PLA2R1: variants seen among roughly 807,000 people sequenced by gnomAD.
The protein encoded by PLA2R1 is phospholipase A2 receptor 1, also known as secretory phospholipase A2 receptor.
Under a neutral mutation model 195.9 loss-of-function variants are expected in PLA2R1, and 158 were observed. The ratio of observed to expected loss-of-function variants is 0.81; its 90% CI spans 0.71 to 0.92. The LOEUF (loss-of-function observed/expected upper bound fraction) is 0.92, where lower values mean the gene tolerates loss of function less well. Among genes scored for constraint, PLA2R1 ranks in the 40% least tolerant of loss-of-function variants. The pLI, the probability that PLA2R1 is intolerant of heterozygous loss-of-function variation, is 0.00. For missense variants in PLA2R1, 1,626 were observed against 1,764.6 expected, an observed-to-expected ratio of 0.92 and a Z score of 1.41; for synonymous variants, 586 against 598.2, an observed-to-expected ratio of 0.98 and a Z score of 0.30.
At position 159,932,967 on chromosome 2, in the gene PLA2R1, A is replaced by G. The variant is rs1194689700; in HGVS notation, c.*8811T>C. 1 of 151,164 alleles carries G rather than the reference A, an allele frequency of 6.6e-6. No homozygotes were observed. Among genetic ancestry groups the G allele is most frequent in the East Asian group, 2.0e-4 (1 of 5,128 alleles). The allele number at this position is 151,164 out of a possible 1,614,324, so 9.4% of individuals were successfully genotyped here. A position where few individuals can be genotyped will look rare whatever the true frequency, so the allele number is the denominator to read the frequency against. On this transcript the variant is annotated 3_prime_UTR_variant, in exon 30 of 30. Transcript: ENST00000283243. Reference sequence around the variant, plus strand: ...CAATTTCCATTAATAGAAGCACAGGAAACAAGTTGAAAATAGCATAGATCA... The same window carrying G: ...CAATTTCCATTAATAGAAGCACAGGGAACAAGTTGAAAATAGCATAGATCA...
chr2:159,950,125 A>T lies in PLA2R1; in HGVS notation c.3541-349T>A, dbSNP rs531178204. Among the ~76,000 whole-genome samples, 46 of 152,316 alleles carry T rather than the reference A, an allele frequency of 3.0e-4. No homozygotes were observed. The South Asian group carries it at 9.1e-3, about 30-fold the overall frequency. ...AACATGTTAAAGAAAACCTGGTTAA[A>T]TTTTTTTATACTGTTGGTGTGGGGA... is the stretch of plus-strand genomic sequence containing the variant. On this transcript the variant is annotated intron_variant, in intron 24 of 29. Transcript: ENST00000283243.
chr2:159,971,217 T>C (rs1689150025), intron 17 of PLA2R1, among the ~76,000 whole-genome samples: 1 of 152,260 alleles, frequency 6.6e-6, no homozygotes, highest in Non-Finnish European at 1.5e-5. Flanking sequence ...AGATTATAAA[T>C]TCTATGTTAA....
intron 1 of PLA2R1, among the ~76,000 whole-genome samples, chr2:160,056,634 C>T (rs544910411): frequency 6.6e-6 from 1 of 152,208 alleles, no homozygotes; most frequent in South Asian, 2.1e-4. Flanking sequence ...TTTCTTGAAC[C>T]CAAACTTTCT....
intron 10 of PLA2R1, among the ~76,000 whole-genome samples, chr2:160,011,057 A>T (rs1467158903): frequency 6.6e-6 from 1 of 152,230 alleles, no homozygotes; most frequent in African/African-American, 2.4e-5. Flanking sequence ...CAGATGGACC[A>T]GGCATGAGCG....
intron 14 of PLA2R1, among the ~76,000 whole-genome samples, chr2:159,979,282 T>C (rs996495251): frequency 6.6e-6 from 1 of 152,222 alleles, no homozygotes; most frequent in African/African-American, 2.4e-5. Context: ...GTGAGTTCTC[T>C]GTGTCCTTCA....
rs536634931 is a variant in PLA2R1, at chr2:159,976,473, G to A, written c.2437+212C>T. 3.9e-5 allele frequency among the ~76,000 whole-genome samples: 6 copies of A among 151,936 alleles called. No homozygotes were observed. In the South Asian group the frequency reaches 1.0e-3, roughly 26 times the overall value. On this transcript the variant is annotated intron_variant, in intron 16 of 29. Coordinates refer to ENST00000283243, the MANE Select transcript of PLA2R1 (RefSeq NM_007366.5). ...GGGGATAGGTACATATTCTAAAATC[G>A]CATGTCATGAAAATGATTGATGATA...
At chr2:160,057,186 G>C (rs556045857) in intron 1 of PLA2R1, among the ~76,000 whole-genome samples, 4 of 152,130 alleles carry the variant, frequency 2.6e-5, no homozygotes, top group Non-Finnish European at 5.9e-5. Context: ...AGTCCTACTA[G>C]TCAAAGCCAA....
intron 6 of PLA2R1, among the ~76,000 whole-genome samples, chr2:160,027,483 T>C (rs1693596294): frequency 1.3e-5 from 2 of 152,214 alleles, no homozygotes; most frequent in South Asian, 4.1e-4. Context: ...TCTACAAAAC[T>C]TCTAGGCTTA....
chr2:160,059,473 C>T (rs1695805919), intron 1 of PLA2R1, among the ~76,000 whole-genome samples: 1 of 152,196 alleles, frequency 6.6e-6, no homozygotes, highest in Admixed American at 6.5e-5. Flanking sequence ...CTATTACTAG[C>T]TCCATTTTAC....
chr2:160,023,495 AAG>A (rs1012122122), intron 6 of PLA2R1, among the ~76,000 whole-genome samples: 8 of 152,190 alleles, frequency 5.3e-5, no homozygotes, highest in African/African-American at 1.9e-4. Context: ...CATGGTCTAA[AAG>A]GGGGAGGAAC....
At chr2:160,008,206 C>T (rs1314551392) in intron 10 of PLA2R1, among the ~76,000 whole-genome samples, 2 of 151,850 alleles carry the variant, frequency 1.3e-5, no homozygotes, top group African/African-American at 2.4e-5. Flanking sequence ...CTCGGGAGGT[C>T]GAGGCGGGAG....
chr2:160,014,635 C>A (rs1427440649), intron 9 of PLA2R1, among the ~76,000 whole-genome samples: 1 of 152,172 alleles, frequency 6.6e-6, no homozygotes, highest in Non-Finnish European at 1.5e-5. Context: ...AATGATTTCT[C>A]ATAAATTTCT....
chr2:159,946,814 T>C lies in PLA2R1; in HGVS notation c.3954A>G (p.Gln1318=). ...SSVQMVWLNA[Q]FDGNNETIKW... ...CAAATCACTTACTGTTACCATCAAA[T>C]TGAGCATTCAACCAAACCATCTGGA... The change falls in exon 27 of 30, where the codon CAA becomes CAG. Residue 1318 remains glutamine, a synonymous_variant. Transcript: ENST00000283243. 6.2e-7 allele frequency: 1 copy of C among 1,607,478 alleles called. No individual in the cohort carries two copies. Among genetic ancestry groups the C allele is most frequent in the Non-Finnish European group, 8.5e-7 (1 of 1,178,126 alleles).
At chr2:160,015,202 T>C (rs1275627132) in intron 9 of PLA2R1, among the ~76,000 whole-genome samples, 2 of 152,196 alleles carry the variant, frequency 1.3e-5, no homozygotes, top group African/African-American at 4.8e-5. Flanking sequence ...GTGACAAAAC[T>C]GAAGGAATTG....
In PLA2R1 at chr2:159,935,394, T is replaced by G. The variant is rs1380128572; in HGVS notation, c.*6384A>C. 1 of 152,256 alleles carries G rather than the reference T, an allele frequency of 6.6e-6. No homozygotes were observed. Among genetic ancestry groups the G allele is most frequent in the East Asian group, 1.9e-4 (1 of 5,202 alleles). The allele number at this position is 152,256 out of a possible 1,614,324, so 9.4% of individuals were successfully genotyped here. A position where few individuals can be genotyped will look rare whatever the true frequency, so the allele number is the denominator to read the frequency against. On this transcript the variant is annotated 3_prime_UTR_variant, in exon 30 of 30. Coordinates refer to ENST00000283243, the MANE Select transcript of PLA2R1 (RefSeq NM_007366.5). ...AGTGATTTTTGTTTCTCCCATTTCT[T>G]CTACATTTATCAATTGGAATTTACT...
rs1156547169 is a variant in PLA2R1 at position 159,940,145 on chromosome 2, C to T, written c.*1633G>A. The T allele has an allele frequency of 6.6e-6, 1 of 152,006 alleles. No individual in the cohort carries two copies. The highest frequency in any genetic ancestry group is 1.5e-5 in the Non-Finnish European group (1 of 68,006). The allele number at this position is 152,006 out of a possible 1,614,324, so 9.4% of individuals were successfully genotyped here. A position where few individuals can be genotyped will look rare whatever the true frequency, so the allele number is the denominator to read the frequency against. ...TCATTCATACTTTCTCTCAGAGCTC[C>T]CCCTTGTGATTAGTGGCCACTGGTT... On this transcript the variant is annotated 3_prime_UTR_variant, in exon 30 of 30. Transcript: ENST00000283243.
chr2:159,928,595 C>A (rs1006784708), downstream of PLA2R1, among the ~76,000 whole-genome samples: 1 of 152,228 alleles, frequency 6.6e-6, no homozygotes, highest in South Asian at 2.1e-4. Context: ...AAGCAATCTA[C>A]AAATTCAATG....
chr2:159,994,979 T>C (rs913202602), intron 11 of PLA2R1, among the ~76,000 whole-genome samples: 17 of 151,952 alleles, frequency 1.1e-4, no homozygotes, highest in Admixed American at 1.1e-3. Flanking sequence ...TGGTATGACA[T>C]GAAGACAGAG....
At position 159,977,340 on chromosome 2, in the gene PLA2R1, G is replaced by A. The variant is rs1323569644; in HGVS notation, c.2345C>T (p.Thr782Ile). The change falls in exon 15 of 30, where the codon ACA becomes ATA. Residue 782 changes from threonine (T) to isoleucine (I), a missense_variant. Thr to Ile is a moderately conservative substitution (Grantham distance 89, BLOSUM62 -1). Transcript: ENST00000283243. ...GGAACCACAGTGTAAGGGCAGCAAT[G>A]TTTTGTTTGCCTTATAAACAGCACA... ...RNCAVYKANK[T>I]LLPLHCGSKR... is the part of the protein sequence containing the mutation. 4 of 1,612,850 alleles carry A rather than the reference G, an allele frequency of 2.5e-6. No homozygotes were observed. Among genetic ancestry groups the A allele is most frequent in the Non-Finnish European group, 2.5e-6 (3 of 1,179,012 alleles).
Sources: allele counts gnomAD v4.1 joint callset (sites outside exome capture counted in the v4.1 genomes callset), GRCh38; gene constraint gnomAD v4.1.1; transcripts MANE v1.5; gene names NCBI Gene and HGNC (gene_info 2026-07-23, HGNC 2026-07-21).